RUBCN: variants seen among roughly 807,000 people sequenced by gnomAD.
RUBCN encodes rubicon autophagy regulator, also known as run domain Beclin-1-interacting and cysteine-rich domain-containing protein.
In RUBCN, 74 loss-of-function variants were observed where a neutral mutation model predicts 113.2. The observed-to-expected ratio is 0.65, with a 90% confidence interval of 0.54 to 0.79. The LOEUF is 0.79. RUBCN is among the 30% of genes least tolerant of loss of function. RUBCN has a pLI of 0.00. For synonymous variants in RUBCN, 480 were observed against 490.0 expected (o/e 0.98, Z 0.27); for missense variants, 1,109 against 1,251.7 (o/e 0.89, Z 1.72).
intron 16 of RUBCN, among the ~76,000 whole-genome samples, chr3:197,680,491 T>A (rs1721090325): frequency 6.6e-6 from 1 of 151,738 alleles, no homozygotes; most frequent in Admixed American, 6.6e-5. Flanking sequence ...TGTCCTACGC[T>A]CTAACTCGAC....
chr3:197,718,082 AC>A lies in RUBCN; in HGVS notation c.113del (p.Gly38ValfsTer48). On this transcript the variant is annotated frameshift_variant, in exon 2 of 20. Transcript: ENST00000296343. LOFTEE classifies it high-confidence loss of function. ...CGTTGGGGCTGTTGGTTGATACCAA[AC>A]CCTCCACCGTCGTCTTCAAATTACC... ...LLGNLKTTVE[G>X]LVSTNSPNVW... is the part of the protein sequence containing the mutation. 4.3e-6 allele frequency: 7 copies of A among 1,614,028 alleles called. No individual in the cohort carries two copies. The highest frequency in any genetic ancestry group is 5.9e-6 in the Non-Finnish European group (7 of 1,180,004).
At chr3:197,738,422 T>C (rs1043416885), upstream of RUBCN, among the ~76,000 whole-genome samples, 1 of 152,228 alleles carries the variant, frequency 6.6e-6, no homozygotes, top group Admixed American at 6.5e-5. Flanking sequence ...TTGACAAAAG[T>C]GTTTTGGCAA....
intron 16 of RUBCN, among the ~76,000 whole-genome samples, chr3:197,679,029 G>A (rs1489616713): frequency 3.4e-5 from 5 of 146,794 alleles, no homozygotes; most frequent in East Asian, 2.1e-4. Context: ...ACTGTCCTAC[G>A]CTCTGACAAC....
At position 197,675,394 on chromosome 3, in the gene RUBCN, C is replaced by T. The variant is rs1720260955; in HGVS notation, c.2740+28G>A. The T allele has an allele frequency of 6.3e-7, 1 of 1,594,162 alleles. No homozygotes were observed. The highest frequency in any genetic ancestry group is 1.3e-5 in the African/African-American group (1 of 74,590). On this transcript the variant is annotated intron_variant, in intron 19 of 19. Coordinates refer to ENST00000296343, the MANE Select transcript of RUBCN (RefSeq NM_014687.4). This position sits in a 1 kb window ranked among gnomAD's most constrained non-coding sequence, Gnocchi z 4.4. ...TCAAGGAGCCCTGTGTTCAGGCTCACTTGCCCGATGCCTGCACCTGCCCTC... is the reference window on the plus strand; with the variant it reads ...TCAAGGAGCCCTGTGTTCAGGCTCATTTGCCCGATGCCTGCACCTGCCCTC...
chr3:197,736,877 C>T lies in RUBCN; in HGVS notation c.-158G>A. On this transcript the variant is annotated 5_prime_UTR_variant, in exon 1 of 20. Coordinates refer to ENST00000296343, the MANE Select transcript of RUBCN (RefSeq NM_014687.4). Reference sequence around the variant, plus strand: ...GCGGCGACAGCGGGAGGGACCGCCGCCTGGGCTGCGGCTTCTATCCCGGCC... The same window carrying T: ...GCGGCGACAGCGGGAGGGACCGCCGTCTGGGCTGCGGCTTCTATCCCGGCC... 2 of 1,374,184 alleles carry T rather than the reference C, an allele frequency of 1.5e-6. No individual in the cohort carries two copies. The highest frequency in any genetic ancestry group is 1.7e-5 in the South Asian group (1 of 59,918). The allele number at this position is 1,374,184 out of a possible 1,614,324, so 85.1% of individuals were successfully genotyped here.
At chr3:197,732,128 C>G (rs1361492067) in intron 1 of RUBCN, among the ~76,000 whole-genome samples, 2 of 152,208 alleles carry the variant, frequency 1.3e-5, no homozygotes, top group African/African-American at 4.8e-5. Flanking sequence ...GATCTTACTC[C>G]TTGAATTCTG....
chr3:197,698,811 G>A (rs1325640115), intron 7 of RUBCN, among the ~76,000 whole-genome samples: 3 of 141,390 alleles, frequency 2.1e-5, no homozygotes, highest in East Asian at 2.0e-4. Flanking sequence ...TGGGCAATGC[G>A]GTGAAACCCT....
intron 1 of RUBCN, among the ~76,000 whole-genome samples, chr3:197,741,947 G>T (rs1728541167): frequency 1.3e-5 from 2 of 151,828 alleles, no homozygotes; most frequent in African/African-American, 4.8e-5. Context: ...ACCCAGGCTG[G>T]AGTGCAGTGG....
intron 1 of RUBCN, among the ~76,000 whole-genome samples, chr3:197,733,466 A>C (rs1727750980): frequency 6.6e-6 from 1 of 152,234 alleles, no homozygotes; most frequent in Admixed American, 6.5e-5. Flanking sequence ...TGAGTGACAC[A>C]GTGAGACCCT....
chr3:197,685,639 G>A (rs756373720), intron 11 of RUBCN, among the ~76,000 whole-genome samples: 2 of 152,176 alleles, frequency 1.3e-5, no homozygotes, highest in Non-Finnish European at 2.9e-5. Context: ...AGTCAAATCT[G>A]TTGGTTTTCC....
chr3:197,696,149 G>A (rs7617803), intron 8 of RUBCN, among the ~76,000 whole-genome samples, 168 bp from the exon 9 acceptor site: 8,218 of 152,120 alleles, frequency 0.054, 807 homozygotes, highest in African/African-American at 0.19. Flanking sequence ...CAAGGCAGGC[G>A]GATCACAAGG....
rs111747110 is a variant in RUBCN at position 197,669,981 on chromosome 3, C to T, written c.*5037G>A. Among the ~76,000 whole-genome samples, 1,915 of 152,260 alleles carry T rather than the reference C, an allele frequency of 0.013. 50 individuals carry two copies. The highest frequency in any genetic ancestry group is 0.044 in the African/African-American group (1,839 of 41,554). On this transcript the variant is annotated 3_prime_UTR_variant, in exon 20 of 20. Coordinates refer to ENST00000296343, the MANE Select transcript of RUBCN (RefSeq NM_014687.4). ...TCGGCTCACTGCAACCTCCGCCACC[C>T]GGGTTCAAGCAATTCTCCTGTCTCA...
At chr3:197,706,581 G>A (rs892853127) in intron 2 of RUBCN, among the ~76,000 whole-genome samples, 1 of 152,034 alleles carries the variant, frequency 6.6e-6, no homozygotes, top group African/African-American at 2.4e-5. Context: ...CTGCTTGGGA[G>A]GCTGAGGTGG....
chr3:197,701,100 A>C lies in RUBCN; in HGVS notation c.774T>G (p.Pro258=). Residue 258 remains proline (P), a synonymous_variant, in exon 7 of 20, where the codon CCT becomes CCG. Coordinates refer to ENST00000296343, the MANE Select transcript of RUBCN (RefSeq NM_014687.4). ...SFPLSGPPRK[P]QESRGHVSPA... The stretch of plus-strand genomic sequence containing the variant: ...GTGAGACGTGCCCTCTGCTTTCTTG[A>C]GGTTTCCGGGGAGGGCCAGAGAGTG... 1 of 1,589,474 alleles carries C rather than the reference A, an allele frequency of 6.3e-7. No individual in the cohort carries two copies. Among genetic ancestry groups the C allele is most frequent in the Non-Finnish European group, 8.6e-7 (1 of 1,165,380 alleles).
Position 197,734,827 on chromosome 3 carries a change from A to G in RUBCN, c.65+1828T>C, listed in dbSNP as rs190636383. On this transcript the variant is annotated intron_variant, in intron 1 of 19. Transcript: ENST00000296343. ...AAATAGGCAAAGCAGAAACTGAAACATGGAAAAGGGAAGTAAGATGTTCAG... is the reference window on the plus strand; with the variant it reads ...AAATAGGCAAAGCAGAAACTGAAACGTGGAAAAGGGAAGTAAGATGTTCAG... 1.2e-3 allele frequency among the ~76,000 whole-genome samples: 177 copies of G among 152,360 alleles called. 1 individual carries two copies. Among genetic ancestry groups the G allele is most frequent in the Non-Finnish European group, 2.0e-3 (133 of 68,040 alleles).
chr3:197,716,292 TAA>T (rs1334326624), intron 2 of RUBCN, among the ~76,000 whole-genome samples: 1 of 152,202 alleles, frequency 6.6e-6, no homozygotes, highest in African/African-American at 2.4e-5. Context: ...CACGCCCGGC[TAA>T]TTTTTGTAAT....
At chr3:197,710,352 G>C (rs1227484423) in intron 2 of RUBCN, among the ~76,000 whole-genome samples, 1 of 152,168 alleles carries the variant, frequency 6.6e-6, no homozygotes, top group East Asian at 1.9e-4. Flanking sequence ...TATAATCCCA[G>C]CACTTTGGGA....
At position 197,703,034 on chromosome 3, in the gene RUBCN, A is replaced by G. The variant is rs141061497; in HGVS notation, c.570+514T>C. Reference sequence around the variant, plus strand: ...CCCACTCCCCAGCTTAGGTCTACTAAGCACACGACCTAAGCCTAGACTTTC... The same window carrying G: ...CCCACTCCCCAGCTTAGGTCTACTAGGCACACGACCTAAGCCTAGACTTTC... On this transcript the variant is annotated intron_variant, in intron 5 of 19. Coordinates refer to ENST00000296343, the MANE Select transcript of RUBCN (RefSeq NM_014687.4). 2.5e-3 allele frequency among the ~76,000 whole-genome samples: 386 copies of G among 152,212 alleles called. 3 individuals carry two copies. The Middle Eastern group carries it at 0.034, about 13-fold the overall frequency.
At position 197,736,766 on chromosome 3, in the gene RUBCN, G is replaced by T. The variant is rs1040882700; in HGVS notation, c.-47C>A. On this transcript the variant is annotated 5_prime_UTR_variant, in exon 1 of 20. Transcript: ENST00000296343. ...TTCGCCCAAGAGAGGCGTCCCTGCC[G>T]CTTCGCCCTTCAGGGCTCCCGGGGC... 1 of 1,523,000 alleles carries T rather than the reference G, an allele frequency of 6.6e-7. No individual in the cohort carries two copies. The highest frequency in any genetic ancestry group is 1.2e-5 in the South Asian group (1 of 83,084). 94.3% of individuals were successfully genotyped at this position (1,523,000 alleles called of 1,614,324 possible).
Sources: gnomAD v4.1 joint callset for allele counts (sites outside exome capture counted in the v4.1 genomes callset) on GRCh38, gnomAD v4.1.1 for gene constraint, Gnocchi (gnomAD v3.1) non-coding constraint, MANE v1.5 for transcripts, NCBI Gene and HGNC (gene_info 2026-07-23, HGNC 2026-07-21) for gene names.